TPD52: variants seen among roughly 807,000 people sequenced by gnomAD.
TPD52 encodes prostate and colon associated protein.
A neutral mutation model predicts 31.3 loss-of-function variants in TPD52; 17 were observed. The observed-to-expected ratio is 0.54, with a 90% CI of 0.37 to 0.82. The LOEUF is 0.82. Among genes scored for constraint, TPD52 ranks in the 40% least tolerant of loss-of-function variants. The probability of loss-of-function intolerance (pLI) is 0.00; values close to 1 mark genes in which losing one functional copy is unlikely to be tolerated. For missense variants in TPD52, 212 were observed against 240.1 expected, an observed-to-expected ratio of 0.88 and a Z score of 0.77; for synonymous variants, 83 against 89.6, an observed-to-expected ratio of 0.93 and a Z score of 0.42.
At chr8:80,110,591 T>TAA (rs1807433936) in intron 1 of TPD52, among the ~76,000 whole-genome samples, 1 of 102,898 alleles carries the variant, frequency 9.7e-6, no homozygotes, top group African/African-American at 3.4e-5. Context: ...AATAAATAAA[T>TAA]GAAAAAAAAA....
At chr8:80,093,588 T>C (rs1169429703) in intron 1 of TPD52, among the ~76,000 whole-genome samples, 2 of 152,170 alleles carry the variant, frequency 1.3e-5, no homozygotes, top group Non-Finnish European at 2.9e-5. Context: ...ACTTCTATCA[T>C]CAGCAAGCTG....
At chr8:80,033,285 C>G (rs533400080), downstream of TPD52, 11 of 80,946 alleles carry the variant, frequency 1.4e-4, no homozygotes, top group Admixed American at 1.8e-3. Context: ...TCGTTGCCTG[C>G]AATGTGGTGA....
intron 1 of TPD52, among the ~76,000 whole-genome samples, chr8:80,138,684 C>T (rs1194953401): frequency 1.3e-5 from 2 of 152,164 alleles, no homozygotes; most frequent in Non-Finnish European, 2.9e-5. Context: ...GGCCTGGGTT[C>T]TACCATCTTG....
intron 1 of TPD52, among the ~76,000 whole-genome samples, chr8:80,086,877 C>CAAAAAAAAAAAAA (rs58864911): frequency 5.2e-5 from 4 of 76,572 alleles, no homozygotes; most frequent in Non-Finnish European, 7.2e-5. Flanking sequence ...GCTGTCTCAA[C>CAAAAAAAAAAAAA]AAAAAAAAAA....
chr8:80,140,950 CGTGTGTGTGTGTGT>C (rs142097159), intron 1 of TPD52, among the ~76,000 whole-genome samples: 6 of 143,778 alleles, frequency 4.2e-5, no homozygotes, highest in African/African-American at 1.6e-4. Flanking sequence ...CAATACAACT[CGTGTGTGTGTGTGT>C]GTGTGTGTGT....
chr8:80,099,403 C>A (rs1206879443), intron 1 of TPD52, among the ~76,000 whole-genome samples: 1 of 152,080 alleles, frequency 6.6e-6, no homozygotes, highest in East Asian at 1.9e-4. Context: ...TTTTGAATAT[C>A]TGGCCAAGCT....
At chr8:80,047,195 G>A (rs1032429780) in intron 5 of TPD52, among the ~76,000 whole-genome samples, 2 of 152,134 alleles carry the variant, frequency 1.3e-5, no homozygotes, top group African/African-American at 2.4e-5. Context: ...AGGTGTGCTC[G>A]GTTCCAGTCC....
intron 1 of TPD52, among the ~76,000 whole-genome samples, chr8:80,113,160 C>A (rs62516084): frequency 0.087 from 13,156 of 151,916 alleles, 666 homozygotes; most frequent in South Asian, 0.21. Flanking sequence ...GCAGCAGGTT[C>A]TATCTTCTGG....
At chr8:80,166,701 C>G (rs113269817) in intron 1 of TPD52, among the ~76,000 whole-genome samples, 6 of 151,504 alleles carry the variant, frequency 4.0e-5, no homozygotes, top group African/African-American at 1.5e-4. Context: ...GTCAGGAGTT[C>G]GAGACCAGCC....
At chr8:80,155,407 A>G (rs999892243) in intron 1 of TPD52, among the ~76,000 whole-genome samples, 2 of 152,164 alleles carry the variant, frequency 1.3e-5, no homozygotes, top group Non-Finnish European at 2.9e-5. Flanking sequence ...ATGAGAGGGC[A>G]AAAAGGCATT....
intron 5 of TPD52, among the ~76,000 whole-genome samples, chr8:80,045,834 GT>G (rs1446958887): frequency 6.6e-6 from 1 of 152,192 alleles, no homozygotes; most frequent in African/African-American, 2.4e-5. Context: ...TGAGCTAAAA[GT>G]TACATAGCTT....
intron 1 of TPD52, among the ~76,000 whole-genome samples, chr8:80,078,968 A>G (rs764076279): frequency 2.2e-4 from 33 of 152,148 alleles, no homozygotes; most frequent in Non-Finnish European, 3.5e-4. Context: ...AGCAGTGTCA[A>G]TCTTCCTGGG....
chr8:80,129,713 T>A (rs567723608), intron 1 of TPD52, among the ~76,000 whole-genome samples: 9 of 150,802 alleles, frequency 6.0e-5, no homozygotes, highest in African/African-American at 2.0e-4. Flanking sequence ...CTTTTTTTTT[T>A]TTTTTTTTGA....
intron 1 of TPD52, among the ~76,000 whole-genome samples, chr8:80,156,769 T>C (rs528925277): frequency 7.8e-4 from 118 of 151,992 alleles, no homozygotes; most frequent in Non-Finnish European, 1.5e-3. Flanking sequence ...GGATGCCAAG[T>C]AGGTTGAGAG....
chr8:80,093,949 C>CTA (rs1554586373), intron 1 of TPD52, among the ~76,000 whole-genome samples: 33,057 of 151,936 alleles, frequency 0.22, 6,147 homozygotes, highest in African/African-American at 0.51. Flanking sequence ...AGCTTCAAAA[C>CTA]TTTCTTTGCC....
intron 1 of TPD52, chr8:80,064,796 C>A (rs777185635): frequency 1.5e-6 from 1 of 687,794 alleles, no homozygotes; most frequent in Non-Finnish European, 2.7e-6. Flanking sequence ...GTAGACTCTG[C>A]CAAAATATGA....
chr8:80,166,404 G>T (rs60351602), intron 1 of TPD52, among the ~76,000 whole-genome samples: 1 of 151,428 alleles, frequency 6.6e-6, no homozygotes, highest in Admixed American at 6.6e-5. Flanking sequence ...GGCTAATTTT[G>T]TATTTTTAGT....
chr8:80,094,746 A>G (rs945637356), intron 1 of TPD52, among the ~76,000 whole-genome samples: 2 of 149,338 alleles, frequency 1.3e-5, no homozygotes, highest in Non-Finnish European at 2.9e-5. Flanking sequence ...TTATATACAC[A>G]TATTCTACCA....
chr8:80,136,339 A>C (rs1809413131), intron 1 of TPD52, among the ~76,000 whole-genome samples: 1 of 150,994 alleles, frequency 6.6e-6, no homozygotes, highest in African/African-American at 2.4e-5. Flanking sequence ...CCTGGCTAAC[A>C]CGGTGAAACC....
Sources: allele counts gnomAD v4.1 joint callset (sites outside exome capture counted in the v4.1 genomes callset), GRCh38; gene constraint gnomAD v4.1.1; transcripts MANE v1.5; gene names NCBI Gene and HGNC (gene_info 2026-07-23, HGNC 2026-07-21).